CPNE5: variants seen among roughly 807,000 people sequenced by gnomAD.
CPNE5 encodes copine-5.
A neutral mutation model predicts 81.1 loss-of-function variants in CPNE5; 42 were observed. That is an observed-to-expected ratio of 0.52 (90% CI 0.40 to 0.67). CPNE5 has a LOEUF of 0.67. CPNE5 is among the 30% of genes least tolerant of loss of function. The pLI is 0.00. For missense variants in CPNE5, 612 were observed against 815.5 expected (o/e 0.75, Z 3.04); for synonymous variants, 313 against 321.5 (o/e 0.97, Z 0.28).
intron 4 of CPNE5, among the ~76,000 whole-genome samples, chr6:36,799,380 T>C (rs918941028): frequency 3.3e-5 from 5 of 152,114 alleles, no homozygotes; most frequent in African/African-American, 9.7e-5. Context: ...TGACCACTCT[T>C]CTGTGGGGCA....
At chr6:36,819,729 C>T (rs1306552508) in intron 3 of CPNE5, among the ~76,000 whole-genome samples, 1 of 152,142 alleles carries the variant, frequency 6.6e-6, no homozygotes, top group Non-Finnish European at 1.5e-5. Flanking sequence ...GGGGACAAGC[C>T]TGCATCCTTC....
chr6:36,806,802 G>A (rs1770635671), intron 3 of CPNE5, among the ~76,000 whole-genome samples: 1 of 152,194 alleles, frequency 6.6e-6, no homozygotes, highest in African/African-American at 2.4e-5. Flanking sequence ...CATGACTCCC[G>A]ATCATGCAGC....
chr6:36,758,285 T>C (rs1765682514), intron 12 of CPNE5, among the ~76,000 whole-genome samples: 1 of 152,186 alleles, frequency 6.6e-6, no homozygotes, highest in Admixed American at 6.5e-5. Flanking sequence ...TACGTGTCTG[T>C]TGCTTTTTTC....
chr6:36,792,648 T>C (rs1037761057), intron 7 of CPNE5, among the ~76,000 whole-genome samples: 1 of 152,168 alleles, frequency 6.6e-6, no homozygotes, highest in Non-Finnish European at 1.5e-5. Context: ...GGGGTCTCCC[T>C]GGGAGTGAGA....
chr6:36,792,010 T>C, intron 8 of CPNE5, 23 bp downstream of exon 8: 1 of 1,609,882 alleles, frequency 6.2e-7, no homozygotes, highest in Non-Finnish European at 8.5e-7. Context: ...CCACGTCCTG[T>C]GCTGGAGTCC....
At chr6:36,752,441 C>T (rs980704389) in intron 14 of CPNE5, 3 of 152,476 alleles carry the variant, frequency 2.0e-5, no homozygotes, top group Non-Finnish European at 2.9e-5. Context: ...GCCCCAGGAC[C>T]AATCCCTGGC....
intron 14 of CPNE5, 53 bp downstream of exon 14, chr6:36,752,980 TG>T: frequency 7.0e-7 from 1 of 1,430,238 alleles, no homozygotes. Context: ...TGTCGGTGTG[TG>T]GGGCCCTTTC....
intron 12 of CPNE5, chr6:36,757,370 C>T: frequency 2.0e-6 from 2 of 985,336 alleles, no homozygotes; most frequent in South Asian, 4.7e-5. Flanking sequence ...TGATCTTTAC[C>T]GTGGTCTCTT....
intron 9 of CPNE5, among the ~76,000 whole-genome samples, chr6:36,778,279 T>C (rs971043156): frequency 6.6e-6 from 1 of 152,170 alleles, no homozygotes; most frequent in Admixed American, 6.5e-5. Flanking sequence ...TTCCATCTTA[T>C]TGTGGGTGGC....
chr6:36,763,046 C>T, intron 11 of CPNE5, 54 bp from the exon 12 acceptor site: 1 of 1,486,404 alleles, frequency 6.7e-7, no homozygotes, highest in Non-Finnish European at 9.4e-7. Context: ...CTGCCTCTGC[C>T]CAGCCCCAGC....
At chr6:36,781,390 T>C (rs993033426) in intron 8 of CPNE5, among the ~76,000 whole-genome samples, 1 of 142,654 alleles carries the variant, frequency 7.0e-6, no homozygotes, top group Non-Finnish European at 1.5e-5. Flanking sequence ...TATACAACCA[T>C]ACAAAATAAC....
chr6:36,821,060 G>A (rs1772003690), intron 3 of CPNE5, among the ~76,000 whole-genome samples: 1 of 152,192 alleles, frequency 6.6e-6, no homozygotes, highest in African/African-American at 2.4e-5. Flanking sequence ...GTTAGATAGG[G>A]TGGCCAGAGG....
chr6:36,798,335 C>T (rs1296598871), intron 5 of CPNE5, 94 bp from the exon 6 acceptor site: 3 of 1,497,036 alleles, frequency 2.0e-6, no homozygotes, highest in Non-Finnish European at 2.8e-6. Context: ...AGCGTGAGGG[C>T]CCTTAAATGA....
chr6:36,813,922 A>T (rs1403977172), intron 3 of CPNE5, among the ~76,000 whole-genome samples: 2 of 152,120 alleles, frequency 1.3e-5, no homozygotes, highest in African/African-American at 4.8e-5. Context: ...ATTTCCAGGC[A>T]TTTTCATAAG....
In CPNE5 at chr6:36,788,928, G is replaced by A. The variant is rs563405405; in HGVS notation, c.528+3105C>T. On this transcript the variant is annotated intron_variant, in intron 8 of 20. Coordinates refer to ENST00000244751, the MANE Select transcript of CPNE5 (RefSeq NM_020939.2). ...CGCCCACGTCATCCCCATGGATGAA[G>A]AGAGGGTTTGTCTACTTCGGCAAAA... 4.1e-4 allele frequency among the ~76,000 whole-genome samples: 62 copies of A among 152,310 alleles called. 1 individual carries two copies. The highest frequency in any genetic ancestry group is 3.9e-3 in the Admixed American group (60 of 15,304).
chr6:36,745,171 C>T, intron 17 of CPNE5, 21 bp from the exon 18 acceptor site: 1 of 1,598,620 alleles, frequency 6.3e-7, no homozygotes, highest in Non-Finnish European at 8.6e-7. Flanking sequence ...CAGGTGTGGG[C>T]TCAGGTCTGT....
At chr6:36,795,680 C>T (rs991596069) in intron 6 of CPNE5, among the ~76,000 whole-genome samples, 9 of 152,322 alleles carry the variant, frequency 5.9e-5, no homozygotes, top group South Asian at 2.1e-4. Flanking sequence ...TGATCTCCGA[C>T]GTCTAGCCGC....
chr6:36,756,098 A>ACCCCCCCCCCCCC, intron 13 of CPNE5, 147 bp downstream of exon 13: 2 of 235,640 alleles, frequency 8.5e-6, no homozygotes, highest in South Asian at 3.7e-5. Flanking sequence ...CATCTGCCCC[A>ACCCCCCCCCCCCC]CCCCTCCCCA....
chr6:36,813,834 G>A (rs1771310485), intron 3 of CPNE5, among the ~76,000 whole-genome samples: 1 of 152,188 alleles, frequency 6.6e-6, no homozygotes, highest in Admixed American at 6.5e-5. Context: ...ACCAAGTTTG[G>A]CTTGGTTCAC....
Sources: allele counts gnomAD v4.1 joint callset (sites outside exome capture counted in the v4.1 genomes callset), GRCh38; gene constraint gnomAD v4.1.1; transcripts MANE v1.5; gene names NCBI Gene and HGNC (gene_info 2026-07-23, HGNC 2026-07-21).